INO80D: variants seen among roughly 807,000 people sequenced by gnomAD.
INO80D encodes INO80 complex subunit D.
INO80D carries 21 observed loss-of-function variants against 87.6 expected under a neutral mutation model. The observed-to-expected ratio is 0.24, with a 90% CI of 0.17 to 0.35. INO80D has a LOEUF of 0.35. Among genes scored for constraint, INO80D ranks in the 10% least tolerant of loss-of-function variants. INO80D has a pLI of 1.00. For synonymous variants in INO80D, 440 were observed against 491.0 expected (o/e 0.90, Z 1.37); for missense variants, 982 against 1,280.7 (o/e 0.77, Z 3.56).
chr2:206,060,172 T>C (rs956088081), intron 3 of INO80D, among the ~76,000 whole-genome samples: 1 of 151,814 alleles, frequency 6.6e-6, no homozygotes, highest in Non-Finnish European at 1.5e-5. Context: ...GCCACTGCAC[T>C]CCAGCCTGGG....
intron 5 of INO80D, among the ~76,000 whole-genome samples, chr2:206,033,369 T>A (rs574680183): frequency 2.0e-5 from 3 of 152,074 alleles, no homozygotes; most frequent in African/African-American, 7.2e-5. Flanking sequence ...TTTAGGAAAA[T>A]TGAAATTATA....
intron 4 of INO80D, among the ~76,000 whole-genome samples, chr2:206,055,250 A>C (rs1489342232): frequency 6.6e-6 from 1 of 152,260 alleles, no homozygotes; most frequent in African/African-American, 2.4e-5. Flanking sequence ...ACTGAATTAA[A>C]GGTTTAAATG....
At chr2:206,016,028 C>T (rs1350563094) in intron 8 of INO80D, among the ~76,000 whole-genome samples, 1 of 152,198 alleles carries the variant, frequency 6.6e-6, no homozygotes, top group Non-Finnish European at 1.5e-5. Context: ...CCTACTGGGA[C>T]ACCACCTAGT....
chr2:206,017,412 G>C lies in INO80D; in HGVS notation c.1542+268C>G, dbSNP rs1688347419. Among the ~76,000 whole-genome samples, 3 of 152,140 alleles carry C rather than the reference G, an allele frequency of 2.0e-5. No individual in the cohort carries two copies. The South Asian group carries it at 6.2e-4, about 31-fold the overall frequency. ...TTCTAGAAAGGCTGGGCCTTCGATT[G>C]AAGTTTCATCAACTATTCATGACAT... On this transcript the variant is annotated intron_variant, in intron 8 of 10. Transcript: ENST00000403263.
chr2:206,076,535 AAAG>A (rs2105907982), intron 1 of INO80D, among the ~76,000 whole-genome samples: 1 of 152,346 alleles, frequency 6.6e-6, no homozygotes, highest in East Asian at 1.9e-4. Flanking sequence ...ACTGGAAGAG[AAAG>A]AAGCAGTGAG....
At chr2:206,084,240 TACAC>T (rs111836331) in intron 1 of INO80D, among the ~76,000 whole-genome samples, 25,955 of 134,940 alleles carry the variant, frequency 0.19, 2,617 homozygotes, top group Non-Finnish European at 0.26. Flanking sequence ...ATGTTATACA[TACAC>T]ACACACACAC....
At chr2:206,008,282 CTT>C (rs376619981) in intron 9 of INO80D, among the ~76,000 whole-genome samples, 30 of 121,116 alleles carry the variant, frequency 2.5e-4, no homozygotes, top group African/African-American at 5.3e-4. Flanking sequence ...CCATGCCTTG[CTT>C]TTTTTTTTTT....
At chr2:206,028,626 C>T (rs938074237) in intron 5 of INO80D, among the ~76,000 whole-genome samples, 1 of 151,996 alleles carries the variant, frequency 6.6e-6, no homozygotes. Context: ...TGACTAGAGA[C>T]CCCTGAGGAA....
In INO80D at chr2:206,009,662, G is replaced by C; in HGVS notation, c.1675C>G (p.Gln559Glu). 1 of 1,613,974 alleles carries C rather than the reference G, an allele frequency of 6.2e-7. No individual in the cohort carries two copies. Among genetic ancestry groups the C allele is most frequent in the Non-Finnish European group, 8.5e-7 (1 of 1,179,894 alleles). The change falls in exon 9 of 11, where the codon CAA (glutamine) becomes GAA (glutamate). Residue 559 changes from glutamine (Q) to glutamate (E), a missense_variant. Coordinates refer to ENST00000403263, the MANE Select transcript of INO80D (RefSeq NM_017759.5). ...KKRRRGPRRP[Q>E]KPIPPAVPQG... ...GGGACTGCAGGTGGAATGGGTTTTT[G>C]GGGTCGACGAGGTCCACGCCTTCTC...
intron 6 of INO80D, 60 bp downstream of exon 6, chr2:206,028,051 A>C: frequency 8.1e-7 from 1 of 1,235,090 alleles, no homozygotes; most frequent in East Asian, 2.6e-5. Context: ...CTATCCTCTC[A>C]CAAAATAAAG....
rs1689718136 is a variant in INO80D at position 206,062,709 on chromosome 2, G to A, written c.218+90C>T. 2 of 1,075,958 alleles carry A rather than the reference G, an allele frequency of 1.9e-6. No homozygotes were observed. Among genetic ancestry groups the A allele is most frequent in the Admixed American group, 2.7e-5 (1 of 36,872 alleles). The allele number at this position is 1,075,958 out of a possible 1,614,324, so 66.7% of individuals were successfully genotyped here. ...GGAAGGGAGGGAGGGAGAAATGAAG[G>A]ACAGAAGAAAAGAGAAGAAAAAACA... On this transcript the variant is annotated intron_variant, in intron 3 of 10. Coordinates refer to ENST00000403263, the MANE Select transcript of INO80D (RefSeq NM_017759.5). The surrounding 1 kb of genome is among the most constrained non-coding windows in gnomAD (Gnocchi z 4.6).
intron 10 of INO80D, among the ~76,000 whole-genome samples, chr2:206,007,005 C>T (rs1688044341): frequency 6.6e-6 from 1 of 152,198 alleles, no homozygotes; most frequent in Admixed American, 6.5e-5. Flanking sequence ...AAGATCGTGC[C>T]ACTGCACTCC....
chr2:205,994,563 T>A lies in INO80D; in HGVS notation c.*9805A>T, dbSNP rs1229886294. The A allele has an allele frequency of 6.6e-6, 1 of 152,316 alleles. No homozygotes were observed. The highest frequency in any genetic ancestry group is 2.1e-4 in the South Asian group (1 of 4,826). 9.4% of individuals were successfully genotyped at this position (152,316 alleles called of 1,614,324 possible). On this transcript the variant is annotated 3_prime_UTR_variant, in exon 11 of 11. Transcript: ENST00000403263. Reference sequence around the variant, plus strand: ...GCTTTTTGTTAAAGGCTACTTCTGATATCAGGTTCCAGCTAAGCTACTCAG... The same window carrying A: ...GCTTTTTGTTAAAGGCTACTTCTGAAATCAGGTTCCAGCTAAGCTACTCAG...
In INO80D at chr2:206,075,039, CAAA is replaced by C. The variant is rs56081344; in HGVS notation, c.-124+10859_-124+10861del. ...GGATGACAAGAGCGAAACTCCATCT[CAAA>C]AAAAAAAAAAAAATTCCTCTTTGAT... On this transcript the variant is annotated intron_variant, in intron 1 of 10. Coordinates refer to ENST00000403263, the MANE Select transcript of INO80D (RefSeq NM_017759.5). Among the ~76,000 whole-genome samples, 3 of 117,728 alleles carry C rather than the reference CAAA, an allele frequency of 2.5e-5. No individual in the cohort carries two copies. The Admixed American group carries it at 2.7e-4, about 10-fold the overall frequency. The allele number at this position is 117,728 out of a possible 152,430, so 77.2% of individuals were successfully genotyped here.
chr2:206,081,614 A>G (rs1023768341), intron 1 of INO80D, among the ~76,000 whole-genome samples: 66 of 151,986 alleles, frequency 4.3e-4, no homozygotes, highest in African/African-American at 1.6e-3. Context: ...TTAGCCAGGC[A>G]TGGTGGCAAG....
Position 206,001,781 on chromosome 2 carries a change from T to C in INO80D, c.*2587A>G, listed in dbSNP as rs890861715. On this transcript the variant is annotated 3_prime_UTR_variant, in exon 11 of 11. Coordinates refer to ENST00000403263, the MANE Select transcript of INO80D (RefSeq NM_017759.5). ...ATAAAATAAGAGGAAAAGTTTGTTG[T>C]TGATAATTCCTCAACCACTTTCCTC... The C allele has an allele frequency of 6.6e-6, 1 of 152,244 alleles. No homozygotes were observed. The highest frequency in any genetic ancestry group is 1.5e-5 in the Non-Finnish European group (1 of 68,042). 9.4% of individuals were successfully genotyped at this position (152,244 alleles called of 1,614,324 possible). A position where few individuals can be genotyped will look rare whatever the true frequency, so the allele number is the denominator to read the frequency against.
At position 205,994,887 on chromosome 2, in the gene INO80D, A is replaced by AAG. The variant is rs985734379; in HGVS notation, c.*9480_*9481insCT. 6.6e-6 allele frequency: 1 copy of AAG among 150,924 alleles called. No homozygotes were observed. Among genetic ancestry groups the AAG allele is most frequent in the East Asian group, 1.9e-4 (1 of 5,180 alleles). 9.3% of individuals were successfully genotyped at this position (150,924 alleles called of 1,614,324 possible). On this transcript the variant is annotated 3_prime_UTR_variant, in exon 11 of 11. Coordinates refer to ENST00000403263, the MANE Select transcript of INO80D (RefSeq NM_017759.5). ...ACTTGGAACTCGCAAAAAAAAAAAA[A>AAG]AAAGAAAGAAAGAAAGAAAGAAAAA...
chr2:206,051,797 G>A (rs1220067069), intron 4 of INO80D, among the ~76,000 whole-genome samples: 3 of 152,024 alleles, frequency 2.0e-5, no homozygotes, highest in Non-Finnish European at 1.5e-5. Flanking sequence ...CACCTCGCCT[G>A]GCCTCAAAAC....
chr2:206,059,646 C>A (rs1169501360), intron 3 of INO80D, among the ~76,000 whole-genome samples: 1 of 152,176 alleles, frequency 6.6e-6, no homozygotes, highest in Non-Finnish European at 1.5e-5. Flanking sequence ...CAGAGGCACT[C>A]TTTAACGTAG....
Sources: allele counts gnomAD v4.1 joint callset (sites outside exome capture counted in the v4.1 genomes callset), GRCh38; gene constraint gnomAD v4.1.1; non-coding constraint Gnocchi (gnomAD v3.1); transcripts MANE v1.5; gene names NCBI Gene and HGNC (gene_info 2026-07-23, HGNC 2026-07-21).